TASOR: variants seen among roughly 807,000 people sequenced by gnomAD.
The protein encoded by TASOR is protein TASOR.
TASOR carries 53 observed loss-of-function variants against 178.6 expected under a neutral mutation model. The ratio of observed to expected loss-of-function variants is 0.30; its 90% CI spans 0.24 to 0.37. The LOEUF is 0.37. Among genes scored for constraint, TASOR ranks in the 10% least tolerant of loss-of-function variants. The pLI is 1.00. For missense variants in TASOR, 1,815 were observed against 1,971.4 expected, an observed-to-expected ratio of 0.92 and a Z score of 1.50; for synonymous variants, 713 against 696.2, an observed-to-expected ratio of 1.02 and a Z score of -0.38.
At chr3:56,626,588 C>T (rs914216598) in intron 21 of TASOR, among the ~76,000 whole-genome samples, 3 of 151,952 alleles carry the variant, frequency 2.0e-5, no homozygotes, top group Non-Finnish European at 2.9e-5. Context: ...ACTAAAAATA[C>T]AAAAATTAGC....
At position 56,623,359 on chromosome 3, in the gene TASOR, G is replaced by A; in HGVS notation, c.4691C>T (p.Thr1564Ile). 6.2e-7 allele frequency: 1 copy of A among 1,613,530 alleles called. No homozygotes were observed. The highest frequency in any genetic ancestry group is 1.1e-5 in the South Asian group (1 of 91,070). ...AGTTCTCTCTTCAGAATCAAGGTAA[G>A]TCTTATCTTCTAATAAACTGTTTTG... ...DVQNSLLEDK[T>I]YLDSEERTSI... Residue 1564 changes from threonine to isoleucine, a missense_variant, in exon 24 of 24, where the codon ACT becomes ATT. This residue lies in a region of TASOR where 278 missense variants were observed against 257.1 expected (regional missense o/e 1.08). Transcript: ENST00000683822.
intron 16 of TASOR, 21 bp from the exon 17 acceptor site, chr3:56,638,786 G>T: frequency 6.2e-7 from 1 of 1,613,394 alleles, no homozygotes; most frequent in South Asian, 1.1e-5. Flanking sequence ...GCATCCATTA[G>T]ACTCTCTTCA....
chr3:56,678,231 G>A (rs1010327542), intron 1 of TASOR, among the ~76,000 whole-genome samples: 4 of 143,020 alleles, frequency 2.8e-5, no homozygotes, highest in Non-Finnish European at 6.0e-5. Flanking sequence ...GCCCGGGCTG[G>A]AGTGCAGTGG....
At chr3:56,666,187 C>A in intron 7 of TASOR, 73 bp downstream of exon 7, 1 of 1,239,298 alleles carries the variant, frequency 8.1e-7, no homozygotes, top group Non-Finnish European at 1.0e-6. Flanking sequence ...CAAAATGGTC[C>A]TCCTAACTCA....
chr3:56,661,740 T>C (rs2077599278), intron 9 of TASOR, among the ~76,000 whole-genome samples: 2 of 152,198 alleles, frequency 1.3e-5, no homozygotes, highest in African/African-American at 4.8e-5. Flanking sequence ...AACTGGTAAC[T>C]TTTAAGTCTA....
intron 7 of TASOR, chr3:56,663,836 G>A (rs1394037753): frequency 1.0e-6 from 1 of 1,002,570 alleles, no homozygotes; most frequent in Non-Finnish European, 1.2e-6. Flanking sequence ...AACCAAGAGA[G>A]AACAGTGTCC....
intron 5 of TASOR, among the ~76,000 whole-genome samples, 196 bp from the exon 6 acceptor site, chr3:56,668,754 A>G (rs2030336857): frequency 6.6e-6 from 1 of 152,120 alleles, no homozygotes. Flanking sequence ...CAGGCGGATC[A>G]CCTGAGGTCA....
intron 1 of TASOR, among the ~76,000 whole-genome samples, chr3:56,678,761 A>G (rs555979276): frequency 2.0e-5 from 3 of 152,322 alleles, no homozygotes; most frequent in African/African-American, 7.2e-5. Context: ...CTGTAATCCC[A>G]GCACTTTGGG....
chr3:56,638,705 C>A lies in TASOR; in HGVS notation c.2824+1G>T. ...AAGAAAAGCAAAGCAAGCCTTCTCA[C>A]CTGGTGTTTGTTTCTCACCATGTTT... On this transcript the variant is annotated splice_donor_variant, in intron 17 of 23. Transcript: ENST00000683822. LOFTEE classifies it high-confidence loss of function. The A allele has an allele frequency of 6.2e-7, 1 of 1,614,120 alleles. No homozygotes were observed. The highest frequency in any genetic ancestry group is 1.1e-5 in the South Asian group (1 of 91,078).
At chr3:56,676,705 C>G (rs2031329689) in intron 1 of TASOR, among the ~76,000 whole-genome samples, 1 of 152,156 alleles carries the variant, frequency 6.6e-6, no homozygotes, top group Non-Finnish European at 1.5e-5. Context: ...ATTAGTTAAG[C>G]TACCCAATAC....
chr3:56,640,182 T>C (rs746382714), intron 15 of TASOR, 52 bp from the exon 16 acceptor site: 1 of 1,528,474 alleles, frequency 6.5e-7, no homozygotes, highest in East Asian at 2.3e-5. Flanking sequence ...CATTTTAATG[T>C]CAAGAATAAA....
chr3:56,634,623 C>T (rs2076980869), intron 17 of TASOR, among the ~76,000 whole-genome samples: 1 of 152,130 alleles, frequency 6.6e-6, no homozygotes, highest in African/African-American at 2.4e-5. Flanking sequence ...ACATTTTTGA[C>T]AGTCCTTTCA....
In TASOR at chr3:56,675,650, A is replaced by G. The variant is rs558993964; in HGVS notation, c.332-1925T>C. ...TCAAAAAGGAACCACTTTTCACTGTAGAGAGAACTACTCATAGAAACTATG... is the reference window on the plus strand; with the variant it reads ...TCAAAAAGGAACCACTTTTCACTGTGGAGAGAACTACTCATAGAAACTATG... On this transcript the variant is annotated intron_variant, in intron 1 of 23. Coordinates refer to ENST00000683822, the MANE Select transcript of TASOR (RefSeq NM_001365635.2). Among the ~76,000 whole-genome samples the G allele has an allele frequency of 4.6e-5, 7 of 152,330 alleles. No individual in the cohort carries two copies. The East Asian group carries it at 1.2e-3, about 25-fold the overall frequency.
chr3:56,679,813 C>G (rs1367156303), intron 1 of TASOR, among the ~76,000 whole-genome samples: 1 of 152,088 alleles, frequency 6.6e-6, no homozygotes, highest in East Asian at 1.9e-4. Context: ...AAACATCTAC[C>G]AACAAAATGC....
chr3:56,649,589 C>A (rs1037540187), intron 11 of TASOR, among the ~76,000 whole-genome samples: 2 of 152,046 alleles, frequency 1.3e-5, no homozygotes, highest in Non-Finnish European at 2.9e-5. Flanking sequence ...TCCTTGATCA[C>A]GAGAAGTTTA....
rs1430188016 is a variant in TASOR at position 56,683,039 on chromosome 3, G to T, written c.-33C>A. The T allele has an allele frequency of 6.7e-7, 1 of 1,491,126 alleles. No individual in the cohort carries two copies. Among genetic ancestry groups the T allele is most frequent in the Non-Finnish European group, 8.9e-7 (1 of 1,118,804 alleles). 92.4% of individuals were successfully genotyped at this position (1,491,126 alleles called of 1,614,324 possible). On this transcript the variant is annotated 5_prime_UTR_variant, in exon 1 of 24. Transcript: ENST00000683822. ...GCCTAAGGAGCTCTGGGAAGCTTCTGCCCACAAGGTCGACGGGTGTGGGGG... is the reference window on the plus strand; with the variant it reads ...GCCTAAGGAGCTCTGGGAAGCTTCTTCCCACAAGGTCGACGGGTGTGGGGG...
chr3:56,632,631 G>A (rs2076939847), intron 18 of TASOR, among the ~76,000 whole-genome samples: 1 of 152,102 alleles, frequency 6.6e-6, no homozygotes, highest in South Asian at 2.1e-4. Context: ...TCCACCCTGA[G>A]TTAAATTATG....
At chr3:56,671,209 T>C in intron 3 of TASOR, 1 of 154,904 alleles carries the variant, frequency 6.5e-6, no homozygotes, top group Non-Finnish European at 1.4e-5. Flanking sequence ...TGTGGGGGGG[T>C]GTTTCTGTAA....
At chr3:56,631,328 C>A (rs1328364729) in intron 18 of TASOR, among the ~76,000 whole-genome samples, 17 of 152,076 alleles carry the variant, frequency 1.1e-4, no homozygotes, top group Non-Finnish European at 1.3e-4. Context: ...AGCCCATGGT[C>A]CCTCTGCTTC....
Sources: gnomAD v4.1 joint callset for allele counts (sites outside exome capture counted in the v4.1 genomes callset) on GRCh38, gnomAD v4.1.1 for gene constraint, gnomAD v4.1.1 regional missense constraint, MANE v1.5 for transcripts, NCBI Gene and HGNC (gene_info 2026-07-23, HGNC 2026-07-21) for gene names.